The following ZNF721 variants were observed in gnomAD, a reference collection of about 807,000 sequenced individuals.
The protein encoded by ZNF721 is zinc finger protein 721.
In ZNF721, 2 loss-of-function variants were observed where a neutral mutation model predicts 2.4. The ratio of observed to expected loss-of-function variants is 0.82; its 90% CI spans 0.34 to 2.58. The LOEUF (loss-of-function observed/expected upper bound fraction) is 2.58. Among genes scored for constraint, ZNF721 ranks in the 30% most tolerant of loss-of-function variants. ZNF721 has a pLI of 0.11. For synonymous variants in ZNF721, 398 were observed against 381.8 expected, an observed-to-expected ratio of 1.04 and a Z score of -0.50; for missense variants, 1,187 against 1,085.5, an observed-to-expected ratio of 1.09 and a Z score of -1.31.
chr4:485,270 C>T (rs1405145986), intron 1 of ZNF721, among the ~76,000 whole-genome samples: 1 of 152,046 alleles, frequency 6.6e-6, no homozygotes, highest in Non-Finnish European at 1.5e-5. Context: ...CCTTGGGAGT[C>T]CCCCTTAGTC....
chr4:497,143 A>G (rs1333905594), intron 1 of ZNF721, among the ~76,000 whole-genome samples: 23 of 151,990 alleles, frequency 1.5e-4, no homozygotes, highest in Non-Finnish European at 2.6e-4. Context: ...ATGGGGCTCA[A>G]GCTGAAGACG....
chr4:480,196 C>T (rs1715737612), intron 1 of ZNF721, among the ~76,000 whole-genome samples: 1 of 151,458 alleles, frequency 6.6e-6, no homozygotes, highest in African/African-American at 2.4e-5. Context: ...CAACTTTCTG[C>T]ATGGCTTATC....
chr4:452,554 G>C (rs797043318), intron 2 of ZNF721, among the ~76,000 whole-genome samples: 5 of 152,168 alleles, frequency 3.3e-5, no homozygotes, highest in African/African-American at 1.2e-4. Context: ...TCAACAAGCT[G>C]AACAAGCGGT....
intron 2 of ZNF721, among the ~76,000 whole-genome samples, chr4:469,766 T>C (rs1553867303): frequency 6.6e-6 from 1 of 152,034 alleles, no homozygotes; most frequent in Non-Finnish European, 1.5e-5. Context: ...CAGAAACAAA[T>C]CCATGCATAC....
chr4:448,145 T>G (rs536060269), intron 2 of ZNF721, among the ~76,000 whole-genome samples: 26 of 152,274 alleles, frequency 1.7e-4, no homozygotes, highest in African/African-American at 6.0e-4. Flanking sequence ...CTTGATAAAC[T>G]ACATATTAGG....
At chr4:489,986 A>G (rs1211791030) in intron 1 of ZNF721, among the ~76,000 whole-genome samples, 1 of 151,836 alleles carries the variant, frequency 6.6e-6, no homozygotes, top group Non-Finnish European at 1.5e-5. Flanking sequence ...CAGCCTCCCA[A>G]GTGGCTGGGA....
In ZNF721 at chr4:443,920, G is replaced by A; in HGVS notation, c.547C>T (p.His183Tyr). The change falls in exon 3 of 3, where the codon CAT (histidine) becomes TAT (tyrosine). Residue 183 changes from histidine (H) to tyrosine (Y), a missense_variant. Physicochemically the swap from His to Tyr is moderately conservative, Grantham distance 83 (BLOSUM62 2). Coordinates refer to ENST00000511833, the MANE Select transcript of ZNF721 (RefSeq NM_133474.4). Reference protein sequence around the residue: ...AFNRSTNLTAHKRIHNREKAY... With the variant: ...AFNRSTNLTAYKRIHNREKAY... The stretch of plus-strand genomic sequence containing the variant: ...TTCTCTCTGTTGTGAATTCTCTTAT[G>A]TGCAGTAAGGTTTGTTGACCTATTA... 6 of 1,613,966 alleles carry A rather than the reference G, an allele frequency of 3.7e-6. No individual in the cohort carries two copies. In the Middle Eastern group the frequency reaches 6.6e-4, roughly 177 times the overall value.
Position 442,539 on chromosome 4 carries a change from C to A in ZNF721, c.1928G>T (p.Cys643Phe). 1.9e-6 allele frequency: 3 copies of A among 1,613,876 alleles called. No homozygotes were observed. The highest frequency in any genetic ancestry group is 2.5e-6 in the Non-Finnish European group (3 of 1,179,854). ...KIYTGEKPYKCEECGKAFAPS... is the reference protein window; with the variant it reads ...KIYTGEKPYKFEECGKAFAPS... Reference sequence around the variant, plus strand: ...GGCAAAGGCTTTGCCACACTCTTCACATTTGTAAGGTTTCTCCCCAGTGTA... The same window carrying A: ...GGCAAAGGCTTTGCCACACTCTTCAAATTTGTAAGGTTTCTCCCCAGTGTA... The change falls in exon 3 of 3, where the codon TGT becomes TTT. Residue 643 changes from cysteine to phenylalanine, a missense_variant. By Grantham distance (205) the Cys-to-Phe change is radical. Transcript: ENST00000511833.
rs116201257 is a variant in ZNF721, at chr4:487,978, A to G, written c.-94+11078T>C. Among the ~76,000 whole-genome samples, 559 of 152,316 alleles carry G rather than the reference A, an allele frequency of 3.7e-3. 1 individual carries two copies. The highest frequency in any genetic ancestry group is 5.4e-3 in the Non-Finnish European group (368 of 68,020). ...TGGAGTGGCCGTGGGCCAAGCACAG[A>G]CCATGCCTTCATCTGCATGGGGTAC... On this transcript the variant is annotated intron_variant, in intron 1 of 2. Coordinates refer to ENST00000511833, the MANE Select transcript of ZNF721 (RefSeq NM_133474.4).
intron 1 of ZNF721, among the ~76,000 whole-genome samples, chr4:478,551 T>C (rs1383732604): frequency 1.3e-5 from 2 of 152,112 alleles, no homozygotes; most frequent in Non-Finnish European, 2.9e-5. Context: ...TATAATAGCA[T>C]GTGACATAAT....
intron 1 of ZNF721, among the ~76,000 whole-genome samples, chr4:480,047 T>C (rs954330442): frequency 3.9e-5 from 6 of 152,222 alleles, no homozygotes; most frequent in Admixed American, 6.5e-5. Flanking sequence ...TGATTTTGGA[T>C]GTCAGTGATT....
intron 1 of ZNF721, among the ~76,000 whole-genome samples, chr4:475,760 A>G (rs1715609394): frequency 6.6e-6 from 1 of 150,662 alleles, no homozygotes; most frequent in Non-Finnish European, 1.5e-5. Flanking sequence ...AGCTTCAACT[A>G]CCACCGAGAC....
chr4:485,666 C>T (rs1403307958), intron 1 of ZNF721, among the ~76,000 whole-genome samples: 1 of 152,158 alleles, frequency 6.6e-6, no homozygotes, highest in Non-Finnish European at 1.5e-5. Context: ...AGCCTAAAAT[C>T]GCCATTGCCT....
At chr4:454,516 G>A (rs185685594) in intron 2 of ZNF721, among the ~76,000 whole-genome samples, 1 of 152,192 alleles carries the variant, frequency 6.6e-6, no homozygotes, top group African/African-American at 2.4e-5. Context: ...TGAATGTTAT[G>A]TGTATATCCC....
chr4:472,666 G>T lies in ZNF721; in HGVS notation c.-58C>A, dbSNP rs782380623. The T allele has an allele frequency of 1.2e-6, 2 of 1,613,678 alleles. No individual in the cohort carries two copies. Among genetic ancestry groups the T allele is most frequent in the Non-Finnish European group, 1.7e-6 (2 of 1,179,946 alleles). ...CCAGGCATTTCCACTCTTCTGGAGA[G>T]AATTCTATGGCCACATCCCTGAATG... On this transcript the variant is annotated 5_prime_UTR_variant, in exon 2 of 3. Transcript: ENST00000511833.
chr4:451,754 G>A lies in ZNF721; in HGVS notation c.35-7322C>T, dbSNP rs1263703662. The stretch of plus-strand genomic sequence containing the variant: ...ATTTCCTGCACAGAACATTTTGGGT[G>A]TCAGGAACAGGATCCAAAAGCGAAA... On this transcript the variant is annotated intron_variant, in intron 2 of 2. Transcript: ENST00000511833. Among the ~76,000 whole-genome samples the A allele has an allele frequency of 4.6e-5, 7 of 152,186 alleles. No homozygotes were observed. In the East Asian group the frequency reaches 1.3e-3, roughly 29 times the overall value.
intron 2 of ZNF721, 118 bp downstream of exon 2, chr4:472,457 A>T: frequency 8.8e-7 from 1 of 1,136,216 alleles, no homozygotes; most frequent in Admixed American, 2.7e-5. Context: ...TATAACTTAC[A>T]TAGCTGTGTG....
intron 2 of ZNF721, among the ~76,000 whole-genome samples, chr4:465,440 T>G (rs1553866629): frequency 6.6e-6 from 1 of 151,578 alleles, no homozygotes; most frequent in Non-Finnish European, 1.5e-5. Flanking sequence ...TTTTTGTTTT[T>G]TTTTTTTTTG....
intron 1 of ZNF721, among the ~76,000 whole-genome samples, chr4:493,171 T>TTA (rs1553871745): frequency 2.3e-5 from 3 of 131,874 alleles, no homozygotes; most frequent in African/African-American, 5.5e-5. Context: ...ACTGAGACAG[T>TTA]AAAAAAAAAA....
Sources: allele counts gnomAD v4.1 joint callset (sites outside exome capture counted in the v4.1 genomes callset), GRCh38; gene constraint gnomAD v4.1.1; transcripts MANE v1.5; gene names NCBI Gene and HGNC (gene_info 2026-07-23, HGNC 2026-07-21).